The following TYK2 variants were observed in gnomAD, a reference collection of about 807,000 sequenced individuals.
TYK2 encodes the protein tyrosine kinase 2, also known as non-receptor tyrosine-protein kinase TYK2.
In TYK2, 65 loss-of-function variants were observed where a neutral mutation model predicts 130.9. The ratio of observed to expected loss-of-function variants is 0.50; its 90% CI spans 0.41 to 0.61. TYK2 has a LOEUF of 0.61. Among genes scored for constraint, TYK2 ranks in the 20% least tolerant of loss-of-function variants. TYK2 has a pLI of 0.00. For missense variants in TYK2, 1,378 were observed against 1,610.7 expected (o/e 0.86, Z 2.47); for synonymous variants, 647 against 658.9 (o/e 0.98, Z 0.28).
rs372612272 is a variant in TYK2, at chr19:10,354,573, G to A, written c.2654C>T (p.Pro885Leu). The part of the protein sequence containing the change: ...ADVLTVNPDS[P>L]ASDPTVFHKR... ...GTGGAAAACCGTAGGGTCCGACGCCGGTGAGTCCGGGTTCACAGTCAAGAC... is the reference window on the plus strand; with the variant it reads ...GTGGAAAACCGTAGGGTCCGACGCCAGTGAGTCCGGGTTCACAGTCAAGAC... The change falls in exon 19 of 25, where the codon CCG (proline) becomes CTG (leucine). Residue 885 changes from proline (P) to leucine (L), a missense_variant. Pro to Leu is a moderately conservative substitution (Grantham distance 98). Coordinates refer to ENST00000525621, the MANE Select transcript of TYK2 (RefSeq NM_003331.5). 7.4e-6 allele frequency: 12 copies of A among 1,613,910 alleles called. No individual in the cohort carries two copies. The highest frequency in any genetic ancestry group is 5.3e-5 in the African/African-American group (4 of 74,884).
intron 23 of TYK2, 123 bp from the exon 24 acceptor site, chr19:10,351,285 G>A (rs893018015): frequency 1.1e-4 from 82 of 721,304 alleles, no homozygotes; most frequent in Non-Finnish European, 1.8e-4. Context: ...TCAGGAGTTC[G>A]AGACCAGCCT....
At position 10,362,621 on chromosome 19, in the gene TYK2, G is replaced by A. The variant is rs374132564; in HGVS notation, c.1404C>T (p.Asp468=). Residue 468 remains aspartate, a synonymous_variant, in exon 10 of 25, where the codon GAC becomes GAT. Transcript: ENST00000525621. ...PFVQAKLRPE[D]GLYLIHWSTS... is the part of the protein sequence containing the mutation. ...TGCTCCAGTGAATGAGGTACAGGCC[G>A]TCCTCGGGCCGCAGCTTGGCCTGCA... The A allele has an allele frequency of 4.4e-5, 69 of 1,552,236 alleles. No individual in the cohort carries two copies. The highest frequency in any genetic ancestry group is 8.3e-5 in the South Asian group (7 of 84,118).
rs2041582810 is a variant in TYK2 at position 10,364,902 on chromosome 19, C to A, written c.1158G>T (p.Val386=). 4 of 1,614,112 alleles carry A rather than the reference C, an allele frequency of 2.5e-6. No individual in the cohort carries two copies. In the South Asian group the frequency reaches 3.3e-5, roughly 13 times the overall value. Residue 386 remains valine (V), a synonymous_variant, in exon 8 of 25, where the codon GTG becomes GTT. Coordinates refer to ENST00000525621, the MANE Select transcript of TYK2 (RefSeq NM_003331.5). This position sits in a 1 kb window ranked among gnomAD's most constrained non-coding sequence, Gnocchi z 4.9. ...TGCTGACACAGTGCTCTTTCAGCAC[C>A]ACGTGGGTGATGTCCCGGAAGTCAC... is the stretch of plus-strand genomic sequence containing the variant. ...YFCDFRDITH[V]VLKEHCVSIH... is the part of the protein sequence containing the mutation.
intron 17 of TYK2, chr19:10,357,367 C>T: frequency 1.6e-6 from 1 of 628,102 alleles, no homozygotes; most frequent in South Asian, 1.9e-5. Flanking sequence ...CCAGCCTGGG[C>T]AATTAGAGTG....
Position 10,354,153 on chromosome 19 carries a change from T to C in TYK2, c.2797A>G (p.Lys933Glu). The C allele has an allele frequency of 6.2e-7, 1 of 1,614,036 alleles. No individual in the cohort carries two copies. Among genetic ancestry groups the C allele is most frequent in the Non-Finnish European group, 8.5e-7 (1 of 1,180,028 alleles). ...CGGTGCTGGGGGCCGCAGTCTGCCTTGAGGGCTTTCACCGCCACCATCTCG... is the reference window on the plus strand; with the variant it reads ...CGGTGCTGGGGGCCGCAGTCTGCCTCGAGGGCTTTCACCGCCACCATCTCG... ...TGEMVAVKAL[K>E]ADCGPQHRSG... Residue 933 changes from lysine to glutamate, a missense_variant, in exon 20 of 25, where the codon AAG becomes GAG. By Grantham distance (56) the Lys-to-Glu change is moderately conservative. Transcript: ENST00000525621.
intron 5 of TYK2, among the ~76,000 whole-genome samples, chr19:10,367,852 G>A (rs577244512): frequency 7.9e-5 from 12 of 151,664 alleles, no homozygotes; most frequent in Non-Finnish European, 1.6e-4. Context: ...CCTGGGAGGC[G>A]GAGCTTGCAG....
chr19:10,356,949 GCCTCCTGCCCCAAGCTTC>G, intron 17 of TYK2: 1 of 583,186 alleles, frequency 1.7e-6, no homozygotes, highest in Admixed American at 2.9e-5. Context: ...GTCACAGTCA[GCCTCCTGCCCCAAGCTTC>G]CCTCCTGCCC....
intron 23 of TYK2, 31 bp downstream of exon 23, chr19:10,352,403 C>A: frequency 6.9e-7 from 1 of 1,455,074 alleles, no homozygotes; most frequent in Non-Finnish European, 9.7e-7. Flanking sequence ...CTCTAGCAAA[C>A]TCCCGGTGGG....
chr19:10,358,032 C>A lies in TYK2; in HGVS notation c.2282G>T (p.Gly761Val), dbSNP rs201335603. The A allele has an allele frequency of 1.7e-4, 270 of 1,613,540 alleles. 2 individuals carry two copies. The South Asian group carries it at 2.0e-3, about 12-fold the overall frequency. ...TSPFIKLSDP[G>V]VGLGALSREE... is the part of the protein sequence containing the mutation. ...CCTGGAGAGGGCGCCCAGGCCCACG[C>A]CAGGATCACTCAGCTTGATGAAGGG... The change falls in exon 16 of 25, where the codon GGC becomes GTC. Residue 761 changes from glycine to valine, a missense_variant. Transcript: ENST00000525621.
chr19:10,362,264 C>T lies in TYK2; in HGVS notation c.1669G>A (p.Glu557Lys). ...LRRCCLPQPG[E>K]TSNLIIMRGA... ...CCCAGAGGTCCCCCTATCATCGTAC[C>T]TCCTGGTTGGGGCAGGCAACAGCGA... is the stretch of plus-strand genomic sequence containing the variant. The change falls in exon 11 of 25, where the codon GAA becomes AAA. Residue 557 changes from glutamate (E) to lysine (K), a missense_variant and splice_region_variant. Coordinates refer to ENST00000525621, the MANE Select transcript of TYK2 (RefSeq NM_003331.5). 8 of 1,613,706 alleles carry T rather than the reference C, an allele frequency of 5.0e-6. No homozygotes were observed. Among genetic ancestry groups the T allele is most frequent in the Non-Finnish European group, 5.9e-6 (7 of 1,179,646 alleles).
chr19:10,378,087 T>C, intron 3 of TYK2, 127 bp downstream of exon 3: 1 of 878,870 alleles, frequency 1.1e-6, no homozygotes, highest in Admixed American at 2.5e-5. Context: ...GGTGGATGGA[T>C]GGATGGATGG....
intron 14 of TYK2, among the ~76,000 whole-genome samples, 173 bp from the exon 15 acceptor site, chr19:10,359,475 G>A (rs1465056511): frequency 5.3e-5 from 8 of 152,172 alleles, no homozygotes; most frequent in African/African-American, 1.9e-4. Flanking sequence ...GAAGAAATGC[G>A]GAATGCAGCA....
chr19:10,365,966 CAAGTGGCTT>C, intron 6 of TYK2, 68 bp from the exon 7 acceptor site: 1 of 1,498,100 alleles, frequency 6.7e-7, no homozygotes. Context: ...TGACACAGGG[CAAGTGGCTT>C]AACCTCTTTG....
At chr19:10,360,369 C>T (rs772103408) in intron 14 of TYK2, among the ~76,000 whole-genome samples, 13 of 151,796 alleles carry the variant, frequency 8.6e-5, no homozygotes, top group East Asian at 1.9e-4. Flanking sequence ...TGATAGCACA[C>T]GCCTGTCATC....
At position 10,353,671 on chromosome 19, in the gene TYK2, G is replaced by C. The variant is rs2040930824; in HGVS notation, c.2909-25C>G. ...CCTGCCGCGGAGAGGGGCGGCCCCG[G>C]TGGGGGACGATAGAGGGCGGGCCGG... On this transcript the variant is annotated intron_variant, in intron 20 of 24. Coordinates refer to ENST00000525621, the MANE Select transcript of TYK2 (RefSeq NM_003331.5). The surrounding 1 kb of genome is among the most constrained non-coding windows in gnomAD (Gnocchi z 6.9). The C allele has an allele frequency of 6.8e-7, 1 of 1,460,590 alleles. No homozygotes were observed. Among genetic ancestry groups the C allele is most frequent in the Non-Finnish European group, 9.1e-7 (1 of 1,101,920 alleles). The allele number at this position is 1,460,590 out of a possible 1,614,324, so 90.5% of individuals were successfully genotyped here.
chr19:10,361,983 G>T lies in TYK2; in HGVS notation c.1774-28C>A, dbSNP rs369213786. Reference sequence around the variant, plus strand: ...GCGGGATCATGTGGCACAGAATACCGCCATGGTGAAAGTTAGCAGCTGATC... The same window carrying T: ...GCGGGATCATGTGGCACAGAATACCTCCATGGTGAAAGTTAGCAGCTGATC... On this transcript the variant is annotated intron_variant, in intron 12 of 24. Transcript: ENST00000525621. The surrounding 1 kb of genome is among the most constrained non-coding windows in gnomAD (Gnocchi z 4.0). 6.2e-7 allele frequency: 1 copy of T among 1,613,840 alleles called. No individual in the cohort carries two copies. Among genetic ancestry groups the T allele is most frequent in the East Asian group, 2.2e-5 (1 of 44,878 alleles).
chr19:10,372,161 T>C (rs2041931104), intron 3 of TYK2, among the ~76,000 whole-genome samples: 1 of 151,084 alleles, frequency 6.6e-6, no homozygotes, highest in African/African-American at 2.4e-5. Context: ...CAGCTAATTT[T>C]TTTGTATTTT....
intron 3 of TYK2, chr19:10,369,997 T>C (rs962520166): frequency 6.2e-6 from 2 of 321,380 alleles, no homozygotes; most frequent in Non-Finnish European, 1.2e-5. Context: ...TGAGCCGAGA[T>C]TGCGCCACTG....
At chr19:10,372,417 C>T (rs1484401616) in intron 3 of TYK2, among the ~76,000 whole-genome samples, 3 of 138,466 alleles carry the variant, frequency 2.2e-5, no homozygotes, top group African/African-American at 8.2e-5. Flanking sequence ...CCTCAGTCTC[C>T]TGAGTAGCTG....
Sources: gnomAD v4.1 joint callset for allele counts (sites outside exome capture counted in the v4.1 genomes callset) on GRCh38, gnomAD v4.1.1 for gene constraint, Gnocchi (gnomAD v3.1) non-coding constraint, MANE v1.5 for transcripts, NCBI Gene and HGNC (gene_info 2026-07-23, HGNC 2026-07-21) for gene names.